The following FGF14 variants were observed in gnomAD, a reference collection of about 807,000 sequenced individuals.
FGF14 encodes the protein fibroblast growth factor homologous factor 4.
Under a neutral mutation model 25.5 loss-of-function variants are expected in FGF14, and 5 were observed. That is an observed-to-expected ratio of 0.20 (90% CI 0.10 to 0.41). The LOEUF (loss-of-function observed/expected upper bound fraction) is 0.41, where lower values mean the gene tolerates loss of function less well. Among genes scored for constraint, FGF14 ranks in the 10% least tolerant of loss-of-function variants. The probability of loss-of-function intolerance (pLI) is 1.00; values close to 1 mark genes in which losing one functional copy is unlikely to be tolerated. For synonymous variants in FGF14, 138 were observed against 118.3 expected (o/e 1.17, Z -1.08); for missense variants, 222 against 320.1 (o/e 0.69, Z 2.34).
chr13:101,739,905 T>A (rs1432312479), intron 3 of FGF14, among the ~76,000 whole-genome samples: 1 of 152,152 alleles, frequency 6.6e-6, no homozygotes, highest in East Asian at 1.9e-4. Context: ...AAAAATCAAC[T>A]TAGAACCCTA....
At chr13:102,290,395 T>C (rs2054323590) in intron 1 of FGF14, among the ~76,000 whole-genome samples, 1 of 152,172 alleles carries the variant, frequency 6.6e-6, no homozygotes, top group South Asian at 2.1e-4. Flanking sequence ...TAAACTTCTG[T>C]TTAGCTTATA....
At chr13:102,180,114 A>G (rs2048605559) in intron 1 of FGF14, among the ~76,000 whole-genome samples, 1 of 152,166 alleles carries the variant, frequency 6.6e-6, no homozygotes, top group Non-Finnish European at 1.5e-5. Flanking sequence ...TTGACTTCTA[A>G]GGCAAGACTA....
At chr13:102,002,908 T>C (rs547130534) in intron 1 of FGF14, 1 of 152,208 alleles carries the variant, frequency 6.6e-6, no homozygotes, top group African/African-American at 2.4e-5. Context: ...TCAAGTTGAC[T>C]TTCCTTACAG....
intron 1 of FGF14, among the ~76,000 whole-genome samples, chr13:102,017,341 T>C (rs1366996697): frequency 6.6e-6 from 1 of 152,182 alleles, no homozygotes; most frequent in Non-Finnish European, 1.5e-5. Flanking sequence ...TATCAAAAAA[T>C]ACCTTTGTTT....
At chr13:101,779,253 T>C (rs2039339399) in intron 3 of FGF14, among the ~76,000 whole-genome samples, 1 of 152,200 alleles carries the variant, frequency 6.6e-6, no homozygotes, top group Non-Finnish European at 1.5e-5. Context: ...CTTTATGTGA[T>C]ATTAAAGAAT....
intron 1 of FGF14, among the ~76,000 whole-genome samples, chr13:102,353,554 C>G (rs2057345576): frequency 6.6e-6 from 1 of 152,188 alleles, no homozygotes; most frequent in Non-Finnish European, 1.5e-5. Flanking sequence ...GGTACAATCA[C>G]GCTGTAATTC....
chr13:102,201,182 T>G (rs2049628146), intron 1 of FGF14, among the ~76,000 whole-genome samples: 2 of 144,924 alleles, frequency 1.4e-5, no homozygotes, highest in African/African-American at 5.2e-5. Context: ...CAGTTTGAAA[T>G]GAGAATGCTA....
intron 1 of FGF14, among the ~76,000 whole-genome samples, chr13:102,007,773 T>C (rs186094340): frequency 5.9e-4 from 90 of 152,360 alleles, no homozygotes; most frequent in Non-Finnish European, 1.3e-4. Flanking sequence ...TCTATATTTC[T>C]ATATTTAAAG....
intron 1 of FGF14, among the ~76,000 whole-genome samples, chr13:102,313,336 A>G (rs902821703): frequency 2.6e-5 from 4 of 152,252 alleles, no homozygotes; most frequent in African/African-American, 9.6e-5. Flanking sequence ...CAATTACAAC[A>G]GAAGTGGAGA....
At position 101,850,277 on chromosome 13, in the gene FGF14, TCCA is replaced by T. The variant is rs752581190; in HGVS notation, c.408+18445_408+18447del. Among the ~76,000 whole-genome samples, 111 of 35,612 alleles carry T rather than the reference TCCA, an allele frequency of 3.1e-3. 17 individuals carry two copies. Among genetic ancestry groups the T allele is most frequent in the Middle Eastern group, 0.036 (1 of 28 alleles). The allele number at this position is 35,612 out of a possible 152,430, so 23.4% of individuals were successfully genotyped here. A position where few individuals can be genotyped will look rare whatever the true frequency, so the allele number is the denominator to read the frequency against. ...GGTGAAACCCTGCCTCTACTAAAAA[TCCA>T]AAAAAAAAAAAAAAAAAAAAAAAAA... On this transcript the variant is annotated intron_variant, in intron 3 of 4. Coordinates refer to ENST00000376143, the MANE Select transcript of FGF14 (RefSeq NM_004115.4).
chr13:102,248,039 C>T (rs752414944), intron 1 of FGF14, among the ~76,000 whole-genome samples: 32 of 152,034 alleles, frequency 2.1e-4, no homozygotes, highest in Admixed American at 1.8e-3. Context: ...AACTAAATGA[C>T]GAGAACACAT....
chr13:102,010,992 TTAGAA>T (rs779206523), intron 1 of FGF14, among the ~76,000 whole-genome samples: 1 of 152,188 alleles, frequency 6.6e-6, no homozygotes, highest in Non-Finnish European at 1.5e-5. Context: ...CTGAGTATAT[TTAGAA>T]TAGGTTTTCT....
rs78268624 is a variant in FGF14 at position 102,234,291 on chromosome 13, T to C, written c.208+167180A>G. On this transcript the variant is annotated intron_variant, in intron 1 of 4. Coordinates refer to the FGF14 transcript ENST00000376131. ...GTGAAGGTACTTAATACCATGGAAA[T>C]ATACACTTAAATGTGAAGGTACTTA... is the stretch of plus-strand genomic sequence containing the variant. Among the ~76,000 whole-genome samples the C allele has an allele frequency of 3.5e-4, 12 of 34,782 alleles. 1 individual carries two copies. The highest frequency in any genetic ancestry group is 8.1e-4 in the South Asian group (1 of 1,236). 22.8% of individuals were successfully genotyped at this position (34,782 alleles called of 152,430 possible).
chr13:102,010,879 G>T (rs987068792), intron 1 of FGF14, among the ~76,000 whole-genome samples: 3 of 152,226 alleles, frequency 2.0e-5, no homozygotes, highest in Admixed American at 2.0e-4. Context: ...GGGTAGGGAT[G>T]AAGGATGAGA....
At chr13:102,239,610 A>G (rs1319361246) in intron 1 of FGF14, among the ~76,000 whole-genome samples, 23 of 151,696 alleles carry the variant, frequency 1.5e-4, no homozygotes. Context: ...ACTAACAAGT[A>G]AAAAATAAAG....
intron 1 of FGF14, among the ~76,000 whole-genome samples, chr13:102,079,612 G>A (rs140805185): frequency 4.1e-4 from 63 of 152,002 alleles, no homozygotes; most frequent in African/African-American, 1.3e-3. Flanking sequence ...TCTTTTATGC[G>A]CCATGTACCA....
intron 1 of FGF14, among the ~76,000 whole-genome samples, chr13:102,256,637 T>A (rs527775077): frequency 1.3e-5 from 2 of 152,234 alleles, no homozygotes; most frequent in Non-Finnish European, 2.9e-5. Flanking sequence ...ACACATCTTC[T>A]GGAATTTCCC....
chr13:101,998,533 A>C (rs1220892946), intron 1 of FGF14, among the ~76,000 whole-genome samples: 1 of 152,136 alleles, frequency 6.6e-6, no homozygotes, highest in African/African-American at 2.4e-5. Flanking sequence ...AAATTGTATT[A>C]GGTTCAAATC....
intron 1 of FGF14, among the ~76,000 whole-genome samples, chr13:102,159,510 C>G (rs991781130): frequency 7.2e-5 from 11 of 152,310 alleles, no homozygotes; most frequent in African/African-American, 1.9e-4. Flanking sequence ...ATTAAATGGG[C>G]TTTCAGAAAA....
Sources: allele counts gnomAD v4.1 joint callset (sites outside exome capture counted in the v4.1 genomes callset), GRCh38; gene constraint gnomAD v4.1.1; transcripts MANE v1.5; gene names NCBI Gene and HGNC (gene_info 2026-07-23, HGNC 2026-07-21).